The following CCDC73 variants were observed in gnomAD, a reference collection of about 807,000 sequenced individuals.
CCDC73 encodes coiled-coil domain-containing protein 73.
A neutral mutation model predicts 116.5 loss-of-function variants in CCDC73; 95 were observed. The ratio of observed to expected loss-of-function variants is 0.82; its 90% confidence interval spans 0.69 to 0.97. The LOEUF (loss-of-function observed/expected upper bound fraction) is 0.97, where lower values mean the gene tolerates loss of function less well. Ranked by LOEUF, CCDC73 falls within the 50% of genes least tolerant of loss-of-function variation. The pLI is 0.00. For missense variants in CCDC73, 1,066 were observed against 1,206.8 expected (o/e 0.88, Z 1.73); for synonymous variants, 398 against 401.3 (o/e 0.99, Z 0.10).
rs569345495 is a variant in CCDC73, at chr11:32,630,886, T to C, written c.1185+4810A>G. 1.8e-4 allele frequency among the ~76,000 whole-genome samples: 27 copies of C among 152,234 alleles called. 1 individual carries two copies. The South Asian group carries it at 5.4e-3, about 30-fold the overall frequency. On this transcript the variant is annotated intron_variant, in intron 14 of 17. Coordinates refer to ENST00000335185, the MANE Select transcript of CCDC73 (RefSeq NM_001008391.4). ...TAAAAAAGTAACAAGATGAAAAAGA[T>C]ATATAATACAAATGTTAATCAAAAG... is the stretch of plus-strand genomic sequence containing the variant.
chr11:32,660,821 C>T (rs190610058), intron 9 of CCDC73, among the ~76,000 whole-genome samples: 331 of 151,584 alleles, frequency 2.2e-3, no homozygotes, highest in Non-Finnish European at 4.0e-3. Flanking sequence ...AGTGAGACCC[C>T]GACTCAAAAA....
At chr11:32,734,323 G>A (rs1183758852) in intron 2 of CCDC73, among the ~76,000 whole-genome samples, 3 of 151,922 alleles carry the variant, frequency 2.0e-5, no homozygotes, top group Non-Finnish European at 2.9e-5. Context: ...TGGATTCACA[G>A]TCGAATTCTA....
chr11:32,829,147 G>A, the CCDC73 span, among the ~76,000 whole-genome samples: 11 of 152,226 alleles, frequency 7.2e-5, no homozygotes, highest in African/African-American at 2.2e-4. Flanking sequence ...CAAGTACTGA[G>A]AACAAATTTT....
At chr11:32,650,406 G>A (rs1194198554) in intron 12 of CCDC73, among the ~76,000 whole-genome samples, 1 of 152,032 alleles carries the variant, frequency 6.6e-6, no homozygotes, top group South Asian at 2.1e-4. Context: ...ATTGTGTTTG[G>A]CCTAAAAATC....
chr11:32,627,702 C>G lies in CCDC73; in HGVS notation c.1185+7994G>C, dbSNP rs529746255. Among the ~76,000 whole-genome samples, 6 of 152,254 alleles carry G rather than the reference C, an allele frequency of 3.9e-5. No homozygotes were observed. The South Asian group carries it at 1.2e-3, about 32-fold the overall frequency. On this transcript the variant is annotated intron_variant, in intron 14 of 17. Coordinates refer to ENST00000335185, the MANE Select transcript of CCDC73 (RefSeq NM_001008391.4). ...GGATGAAGCTGGAAACCATCATTCTCAGCAAACTATCGCAAGGACAAAAAA... is the reference window on the plus strand; with the variant it reads ...GGATGAAGCTGGAAACCATCATTCTGAGCAAACTATCGCAAGGACAAAAAA...
intron 3 of CCDC73, among the ~76,000 whole-genome samples, chr11:32,713,165 T>C (rs1420277748): frequency 2.0e-5 from 3 of 152,114 alleles, no homozygotes; most frequent in Non-Finnish European, 4.4e-5. Context: ...AGGTCATTTT[T>C]TGAAAGTGAA....
chr11:32,665,762 T>C (rs1478579277), intron 9 of CCDC73, among the ~76,000 whole-genome samples: 1 of 152,224 alleles, frequency 6.6e-6, no homozygotes, highest in Non-Finnish European at 1.5e-5. Context: ...ATCAATGGTC[T>C]CTACATTTTG....
At chr11:32,801,066 C>T in the CCDC73 span, among the ~76,000 whole-genome samples, 307 of 152,218 alleles carry the variant, frequency 2.0e-3, no homozygotes, top group Non-Finnish European at 2.8e-3. Context: ...ATATAGGCAG[C>T]GAGATTGCTT....
the CCDC73 span, among the ~76,000 whole-genome samples, chr11:32,802,282 T>C: frequency 1.3e-5 from 2 of 152,208 alleles, no homozygotes. Context: ...TATAAAAAGT[T>C]ACTAATATCA....
At chr11:32,795,445 T>A (rs150472591), upstream of CCDC73, among the ~76,000 whole-genome samples, 174 of 147,634 alleles carry the variant, frequency 1.2e-3, no homozygotes, top group African/African-American at 4.2e-3. Context: ...CACTCCAGCC[T>A]AGGCAATGGA....
the CCDC73 span, among the ~76,000 whole-genome samples, chr11:32,821,047 G>A: frequency 6.6e-6 from 1 of 151,980 alleles, no homozygotes; most frequent in East Asian, 1.9e-4. Flanking sequence ...GTCTGAAAAT[G>A]TTTAATTTTG....
At chr11:32,714,372 C>T (rs1008866718) in intron 3 of CCDC73, among the ~76,000 whole-genome samples, 7 of 152,060 alleles carry the variant, frequency 4.6e-5, no homozygotes, top group African/African-American at 1.7e-4. Flanking sequence ...TTACTTCAGA[C>T]AAATGTGGCA....
At chr11:32,604,372 A>G (rs558240606) in intron 17 of CCDC73, 2 of 152,274 alleles carry the variant, frequency 1.3e-5, no homozygotes, top group South Asian at 2.1e-4. Context: ...CGGTCTCCCA[A>G]AGTTCTAGGA....
intron 2 of CCDC73, among the ~76,000 whole-genome samples, chr11:32,744,517 G>A (rs749887475): frequency 6.6e-5 from 10 of 152,212 alleles, no homozygotes; most frequent in East Asian, 1.9e-4. Flanking sequence ...GGTAGAATTC[G>A]GCTGTGAATC....
At chr11:32,647,938 T>C (rs1272858200) in intron 12 of CCDC73, among the ~76,000 whole-genome samples, 5 of 151,880 alleles carry the variant, frequency 3.3e-5, no homozygotes, top group African/African-American at 1.2e-4. Context: ...GTTCACAAAA[T>C]TCCTTAATAT....
intron 9 of CCDC73, among the ~76,000 whole-genome samples, chr11:32,671,104 C>G (rs1298557059): frequency 2.0e-5 from 3 of 152,072 alleles, no homozygotes; most frequent in East Asian, 1.9e-4. Flanking sequence ...ATTAGTGCAG[C>G]AAATAAACAG....
At chr11:32,825,588 G>A in the CCDC73 span, among the ~76,000 whole-genome samples, 11 of 152,190 alleles carry the variant, frequency 7.2e-5, no homozygotes, top group Non-Finnish European at 1.5e-4. Flanking sequence ...AGGCGTGAGC[G>A]CTTGGCCTCT....
At chr11:32,742,264 T>C (rs7936916) in intron 2 of CCDC73, among the ~76,000 whole-genome samples, 114,705 of 152,072 alleles carry the variant, frequency 0.75, 43,396 homozygotes, top group East Asian at 0.93. Flanking sequence ...AACTAATTTA[T>C]ACTCCCACCA....
At chr11:32,823,798 G>A in the CCDC73 span, among the ~76,000 whole-genome samples, 1 of 152,046 alleles carries the variant, frequency 6.6e-6, no homozygotes, top group African/African-American at 2.4e-5. Flanking sequence ...GGAGTGCAGT[G>A]GTGCAATCAT....
Sources: gnomAD v4.1 joint callset for allele counts (sites outside exome capture counted in the v4.1 genomes callset) on GRCh38, gnomAD v4.1.1 for gene constraint, MANE v1.5 for transcripts, NCBI Gene and HGNC (gene_info 2026-07-23, HGNC 2026-07-21) for gene names.